NAALADL2: variants seen among roughly 807,000 people sequenced by gnomAD.
The protein encoded by NAALADL2 is inactive N-acetylated-alpha-linked acidic dipeptidase-like protein 2.
In NAALADL2, 76 loss-of-function variants were observed where a neutral mutation model predicts 87.2. The ratio of observed to expected loss-of-function variants is 0.87; its 90% CI spans 0.72 to 1.05. The LOEUF (loss-of-function observed/expected upper bound fraction) is 1.05. NAALADL2 is among the 50% of genes least tolerant of loss of function. NAALADL2 has a pLI of 0.00. For synonymous variants in NAALADL2, 354 were observed against 331.0 expected (o/e 1.07, Z -0.75); for missense variants, 1,089 against 945.8 (o/e 1.15, Z -1.99).
At chr3:175,531,525 T>C (rs901947672) in intron 9 of NAALADL2, among the ~76,000 whole-genome samples, 1 of 152,220 alleles carries the variant, frequency 6.6e-6, no homozygotes, top group Admixed American at 6.5e-5. Flanking sequence ...GTGTGATATC[T>C]TGCAGAAGCA....
intron 10 of NAALADL2, among the ~76,000 whole-genome samples, chr3:175,609,910 A>G (rs1437639501): frequency 4.6e-5 from 7 of 152,118 alleles, no homozygotes; most frequent in Admixed American, 4.6e-4. Flanking sequence ...CTCAAAGTCT[A>G]TCCTGAGCTG....
intron 5 of NAALADL2, among the ~76,000 whole-genome samples, chr3:175,382,393 A>T (rs4465950): frequency 0.6 from 90,178 of 151,264 alleles, 27,380 homozygotes; most frequent in African/African-American, 0.71. Context: ...TTGTTTTTTT[A>T]AATATGTTTT....
chr3:175,539,758 T>C (rs1311565451), intron 9 of NAALADL2, among the ~76,000 whole-genome samples: 5 of 152,156 alleles, frequency 3.3e-5, no homozygotes, highest in Non-Finnish European at 7.3e-5. Context: ...AATTTTGAGA[T>C]AGGTCTTGTA....
intron 11 of NAALADL2, among the ~76,000 whole-genome samples, chr3:175,668,740 TC>T (rs1467959185): frequency 6.6e-6 from 1 of 152,150 alleles, no homozygotes; most frequent in African/African-American, 2.4e-5. Flanking sequence ...ACATATTTTT[TC>T]CCTTTGACAA....
chr3:174,791,845 A>T (rs751593659), intron 3 of NAALADL2, among the ~76,000 whole-genome samples: 5 of 152,148 alleles, frequency 3.3e-5, no homozygotes, highest in Admixed American at 1.3e-4. Context: ...TATTCTATTC[A>T]TTGAGGTATT....
At chr3:175,522,062 T>C (rs1030260004) in intron 9 of NAALADL2, among the ~76,000 whole-genome samples, 1 of 152,164 alleles carries the variant, frequency 6.6e-6, no homozygotes, top group Non-Finnish European at 1.5e-5. Context: ...GTGCATGATA[T>C]GAAGATTGTA....
intron 2 of NAALADL2, among the ~76,000 whole-genome samples, chr3:174,554,229 C>G (rs1712475972): frequency 1.3e-5 from 2 of 151,948 alleles, no homozygotes. Context: ...AAGCTTTATA[C>G]ATAAACAAAA....
intron 1 of NAALADL2, among the ~76,000 whole-genome samples, chr3:174,522,128 G>T (rs1333016345): frequency 1.3e-5 from 2 of 151,924 alleles, no homozygotes. Flanking sequence ...ATGCACAATG[G>T]CATTCTGTTA....
intron 11 of NAALADL2, among the ~76,000 whole-genome samples, chr3:175,734,166 A>C (rs1744184303): frequency 6.6e-6 from 1 of 152,164 alleles, no homozygotes; most frequent in Admixed American, 6.5e-5. Context: ...CTCTGACCCC[A>C]CATTTCTTTT....
intron 2 of NAALADL2, among the ~76,000 whole-genome samples, chr3:175,132,243 G>A (rs1480338316): frequency 1.6e-3 from 53 of 32,768 alleles, no homozygotes; most frequent in Non-Finnish European, 1.8e-3. Flanking sequence ...CCCGGACGGG[G>A]CGGCTGGCCG....
intron 1 of NAALADL2, among the ~76,000 whole-genome samples, chr3:175,056,181 G>C (rs1185244785): frequency 6.6e-6 from 1 of 152,100 alleles, no homozygotes; most frequent in East Asian, 1.9e-4. Context: ...ATAATAATGA[G>C]GGGGTACAGA....
At chr3:174,596,457 C>G (rs1033643464) in intron 2 of NAALADL2, among the ~76,000 whole-genome samples, 1 of 152,158 alleles carries the variant, frequency 6.6e-6, no homozygotes, top group Non-Finnish European at 1.5e-5. Context: ...CAGTGGTTCT[C>G]AAATTTTAGC....
chr3:175,778,828 G>T (rs770108648), intron 13 of NAALADL2, among the ~76,000 whole-genome samples: 1 of 152,082 alleles, frequency 6.6e-6, no homozygotes, highest in African/African-American at 2.4e-5. Flanking sequence ...GGGTAAGGGA[G>T]GCAAAATTTA....
chr3:174,655,197 A>C (rs1724785755), intron 2 of NAALADL2, among the ~76,000 whole-genome samples: 3 of 152,252 alleles, frequency 2.0e-5, no homozygotes, highest in Admixed American at 1.3e-4. Flanking sequence ...GTAAATTCTT[A>C]GAATACTGGA....
chr3:175,016,514 A>G (rs1054715620), intron 1 of NAALADL2, among the ~76,000 whole-genome samples: 9 of 151,366 alleles, frequency 5.9e-5, no homozygotes, highest in Non-Finnish European at 1.2e-4. Flanking sequence ...TGAGGTATTG[A>G]TAAAAGTGGT....
chr3:175,022,928 T>G (rs1751746133), intron 1 of NAALADL2, among the ~76,000 whole-genome samples: 1 of 152,134 alleles, frequency 6.6e-6, no homozygotes, highest in African/African-American at 2.4e-5. Context: ...ATACTCTCCC[T>G]GCTCCGGAAG....
chr3:175,146,892 G>C (rs1018340115), intron 2 of NAALADL2, among the ~76,000 whole-genome samples: 1 of 151,686 alleles, frequency 6.6e-6, no homozygotes, highest in Non-Finnish European at 1.5e-5. Context: ...CTTCTCCCAA[G>C]ATCTGAAGTG....
chr3:175,072,162 A>G (rs6797311), intron 1 of NAALADL2, among the ~76,000 whole-genome samples: 16,984 of 152,024 alleles, frequency 0.11, 1,075 homozygotes, highest in East Asian at 0.21. Flanking sequence ...GAGTTCTACA[A>G]GCTTTACACA....
intron 2 of NAALADL2, among the ~76,000 whole-genome samples, chr3:175,161,098 C>T (rs1733133573): frequency 2.0e-5 from 3 of 151,772 alleles, no homozygotes; most frequent in Admixed American, 1.3e-4. Flanking sequence ...AAAAGATAAC[C>T]GTAAATGATT....
Sources: gnomAD v4.1 joint callset for allele counts (sites outside exome capture counted in the v4.1 genomes callset) on GRCh38, gnomAD v4.1.1 for gene constraint, MANE v1.5 for transcripts, NCBI Gene and HGNC (gene_info 2026-07-23, HGNC 2026-07-21) for gene names.